DNAH11: variants seen among roughly 807,000 people sequenced by gnomAD.
DNAH11 encodes dynein axonemal heavy chain 11.
Under a neutral mutation model 526.0 loss-of-function variants are expected in DNAH11, and 442 were observed. The observed-to-expected ratio is 0.84, with a 90% CI of 0.78 to 0.91. The LOEUF is 0.91. DNAH11 is among the 40% of genes least tolerant of loss of function. The pLI, the probability that DNAH11 is intolerant of heterozygous loss-of-function variation, is 0.00. For synonymous variants in DNAH11, 2,461 were observed against 1,935.9 expected, an observed-to-expected ratio of 1.27 and a Z score of -7.12; for missense variants, 6,989 against 5,448.7, an observed-to-expected ratio of 1.28 and a Z score of -8.90.
intron 9 of DNAH11, among the ~76,000 whole-genome samples, chr7:21,583,040 C>T (rs572632948): frequency 6.6e-6 from 1 of 152,160 alleles, no homozygotes; most frequent in Admixed American, 6.6e-5. Flanking sequence ...CAATGCTATC[C>T]CCATCAAGCT....
At chr7:21,755,420 T>C (rs1786585679) in intron 54 of DNAH11, among the ~76,000 whole-genome samples, 2 of 152,134 alleles carry the variant, frequency 1.3e-5, no homozygotes, top group Admixed American at 1.3e-4. Context: ...GGCCATATGA[T>C]GCTGTAGGGC....
chr7:21,687,508 A>C lies in DNAH11; in HGVS notation c.5905A>C (p.Ile1969Leu), dbSNP rs955826228. The change falls in exon 34 of 82, where the codon ATC (isoleucine) becomes CTC (leucine). Residue 1969 changes from isoleucine (I) to leucine (L), a missense_variant. Ile to Leu is a conservative substitution (Grantham distance 5, BLOSUM62 2). Transcript: ENST00000409508. ...AVQVKMIHDA[I>L]RNRKKRFVFL... ...ACAAGTGAAAATGATTCATGATGCC[A>C]TCAGAAACAGGAAGAAGAGGTGAGT... 8 of 1,613,544 alleles carry C rather than the reference A, an allele frequency of 5.0e-6. No individual in the cohort carries two copies. Among genetic ancestry groups the C allele is most frequent in the African/African-American group, 4.0e-5 (3 of 74,926 alleles).
At chr7:21,843,017 G>A (rs144820015) in intron 66 of DNAH11, among the ~76,000 whole-genome samples, 2 of 152,342 alleles carry the variant, frequency 1.3e-5, no homozygotes, top group Admixed American at 1.3e-4. Context: ...ATGTAAAATA[G>A]AGGTATGTGC....
At chr7:21,623,454 C>G (rs1271091332) in intron 25 of DNAH11, among the ~76,000 whole-genome samples, 1 of 152,198 alleles carries the variant, frequency 6.6e-6, no homozygotes, top group Non-Finnish European at 1.5e-5. Flanking sequence ...ACCCAGGCAT[C>G]CCATTACTGG....
chr7:21,896,163 T>C (rs137944123), intron 79 of DNAH11, among the ~76,000 whole-genome samples: 175 of 152,364 alleles, frequency 1.1e-3, no homozygotes, highest in East Asian at 8.1e-3. Context: ...TTGTGGTCAA[T>C]CATTATTTTT....
rs576804351 is a variant in DNAH11, at chr7:21,864,672, C to T, written c.11496+15C>T. 7 of 1,559,394 alleles carry T rather than the reference C, an allele frequency of 4.5e-6. No individual in the cohort carries two copies. Among genetic ancestry groups the T allele is most frequent in the African/African-American group, 1.4e-5 (1 of 72,956 alleles). Reference sequence around the variant, plus strand: ...GTGCTATCAAGGTATGTTAGGAATACAGTTTCTCAAATTCTGGATCTTATT... The same window carrying T: ...GTGCTATCAAGGTATGTTAGGAATATAGTTTCTCAAATTCTGGATCTTATT... On this transcript the variant is annotated intron_variant, in intron 70 of 81. Coordinates refer to ENST00000409508, the MANE Select transcript of DNAH11 (RefSeq NM_001277115.2).
Position 21,545,013 on chromosome 7 carries a change from G to T in DNAH11, c.359G>T (p.Arg120Ile). ...ATCTTGCTCTTGTTTTAGATTCCAAGAGATGCAAACCATAAACTTGTTTTT... is the reference window on the plus strand; with the variant it reads ...ATCTTGCTCTTGTTTTAGATTCCAATAGATGCAAACCATAAACTTGTTTTT... The part of the protein sequence containing the change: ...GRLAASQEIP[R>I]DANHKLVFIS... Residue 120 changes from arginine (R) to isoleucine (I), a missense_variant, in exon 2 of 82, where the codon AGA becomes ATA. Physicochemically the swap from Arg to Ile is moderately conservative, Grantham distance 97 (BLOSUM62 -3). Transcript: ENST00000409508. The T allele has an allele frequency of 6.3e-7, 1 of 1,581,370 alleles. No homozygotes were observed. The highest frequency in any genetic ancestry group is 1.2e-5 in the South Asian group (1 of 85,094).
At chr7:21,814,362 TTTTTTA>T (rs1442813423) in intron 63 of DNAH11, among the ~76,000 whole-genome samples, 11 of 151,676 alleles carry the variant, frequency 7.3e-5, no homozygotes, top group African/African-American at 1.7e-4. Context: ...TTTTTTTTAT[TTTTTTA>T]TTTTTATTTT....
chr7:21,598,695 C>T (rs1784958632), intron 14 of DNAH11, among the ~76,000 whole-genome samples: 2 of 152,146 alleles, frequency 1.3e-5, no homozygotes, highest in Admixed American at 1.3e-4. Flanking sequence ...AGGTATTATG[C>T]CTAGTACCCA....
At chr7:21,707,678 C>A (rs774432726) in intron 39 of DNAH11, 21 bp from the exon 40 acceptor site, 5 of 1,595,756 alleles carry the variant, frequency 3.1e-6, no homozygotes, top group Non-Finnish European at 4.3e-6. Context: ...ATTTTTTTGG[C>A]TCTTTCCTCC....
At chr7:21,590,539 A>C (rs1310801117) in intron 12 of DNAH11, among the ~76,000 whole-genome samples, 1 of 152,204 alleles carries the variant, frequency 6.6e-6, no homozygotes, top group Non-Finnish European at 1.5e-5. Flanking sequence ...TTGGATAAGC[A>C]TACTCTGCAC....
chr7:21,819,456 C>T (rs1320299094), intron 65 of DNAH11, among the ~76,000 whole-genome samples: 1 of 152,158 alleles, frequency 6.6e-6, no homozygotes, highest in East Asian at 1.9e-4. Context: ...TCTAACAAGC[C>T]ACTTGACAAA....
chr7:21,725,504 T>C (rs1054636026), intron 44 of DNAH11, among the ~76,000 whole-genome samples: 1 of 152,200 alleles, frequency 6.6e-6, no homozygotes, highest in Non-Finnish European at 1.5e-5. Flanking sequence ...GCCATTCTTA[T>C]TTTTCCCATT....
intron 2 of DNAH11, among the ~76,000 whole-genome samples, chr7:21,548,733 G>T (rs1782904331): frequency 6.6e-6 from 1 of 152,172 alleles, no homozygotes; most frequent in South Asian, 2.1e-4. Flanking sequence ...TGATGTTTAG[G>T]AAGTGGATAC....
At chr7:21,551,176 C>G (rs913441707) in intron 2 of DNAH11, among the ~76,000 whole-genome samples, 2 of 152,092 alleles carry the variant, frequency 1.3e-5, no homozygotes, top group Non-Finnish European at 2.9e-5. Flanking sequence ...CAGTTTGACC[C>G]CTATCCTGTC....
At chr7:21,691,689 CTCT>C (rs1197887631) in intron 35 of DNAH11, among the ~76,000 whole-genome samples, 1 of 151,960 alleles carries the variant, frequency 6.6e-6, no homozygotes, top group Non-Finnish European at 1.5e-5. Context: ...TTCTTTAGTT[CTCT>C]TCATTTAATA....
chr7:21,772,852 C>A (rs1787497031), intron 55 of DNAH11, among the ~76,000 whole-genome samples: 1 of 152,138 alleles, frequency 6.6e-6, no homozygotes, highest in Non-Finnish European at 1.5e-5. Context: ...TCTCTTCACA[C>A]CTCTGCTTGT....
intron 25 of DNAH11, among the ~76,000 whole-genome samples, chr7:21,626,185 T>A (rs1393196311): frequency 6.6e-6 from 1 of 152,164 alleles, no homozygotes; most frequent in Non-Finnish European, 1.5e-5. Flanking sequence ...TTAAAAAAAA[T>A]TCCCACATGT....
chr7:21,773,897 A>T lies in DNAH11; in HGVS notation c.9234A>T (p.Ile3078=). ...YTTPKSFLEQ[I]SLFKNLLKKK... is the part of the protein sequence containing the mutation. ...CCCCAAAGAGTTTTCTAGAACAAAT[A>T]TCACTGTTTAAGAACCTGTTGAAGA... The change falls in exon 56 of 82, where the codon ATA becomes ATT. Residue 3078 remains isoleucine (I), a synonymous_variant. Coordinates refer to ENST00000409508, the MANE Select transcript of DNAH11 (RefSeq NM_001277115.2). 6.2e-7 allele frequency: 1 copy of T among 1,603,928 alleles called. No individual in the cohort carries two copies. Among genetic ancestry groups the T allele is most frequent in the South Asian group, 1.1e-5 (1 of 88,802 alleles).
Sources: allele counts gnomAD v4.1 joint callset (sites outside exome capture counted in the v4.1 genomes callset), GRCh38; gene constraint gnomAD v4.1.1; transcripts MANE v1.5; gene names NCBI Gene and HGNC (gene_info 2026-07-23, HGNC 2026-07-21).